Variants in MARCHF1 observed in about 807,000 individuals in gnomAD.
The protein encoded by MARCHF1 is membrane associated ring-CH-type finger 1.
MARCHF1 carries 40 observed loss-of-function variants against 54.2 expected under a neutral mutation model. The observed-to-expected ratio is 0.74, with a 90% CI of 0.57 to 0.96. The LOEUF (loss-of-function observed/expected upper bound fraction) is 0.96, where lower values mean the gene tolerates loss of function less well. MARCHF1 is among the 40% of genes least tolerant of loss of function. The pLI is 0.00. For missense variants in MARCHF1, 586 were observed against 656.5 expected (o/e 0.89, Z 1.17); for synonymous variants, 236 against 236.3 (o/e 1.00, Z 0.01).
intron 8 of MARCHF1, among the ~76,000 whole-genome samples, chr4:163,568,951 C>G (rs892811260): frequency 1.2e-4 from 19 of 152,148 alleles, no homozygotes; most frequent in African/African-American, 4.3e-4. Context: ...AATTCCAGCA[C>G]TCAAAAGACT....
chr4:163,911,796 A>G (rs1206435112), intron 3 of MARCHF1, among the ~76,000 whole-genome samples: 1 of 152,164 alleles, frequency 6.6e-6, no homozygotes, highest in Non-Finnish European at 1.5e-5. Flanking sequence ...AAAACAGAAG[A>G]AGAATATGGT....
Position 164,244,241 on chromosome 4 carries a change from A to T in MARCHF1, c.-322-132579T>A, listed in dbSNP as rs1003640060. ...TCCTCAGCAAATGTAAAAGAACAGA[A>T]ATTATAACAAACTATCTCTCAGACC... On this transcript the variant is annotated intron_variant, in intron 1 of 9. Transcript: ENST00000514618. Among the ~76,000 whole-genome samples, 4 of 152,010 alleles carry T rather than the reference A, an allele frequency of 2.6e-5. No individual in the cohort carries two copies. In the East Asian group the frequency reaches 5.8e-4, roughly 22 times the overall value.
intron 4 of MARCHF1, among the ~76,000 whole-genome samples, chr4:163,842,329 C>A (rs904704779): frequency 1.3e-5 from 2 of 151,596 alleles, no homozygotes; most frequent in African/African-American, 2.4e-5. Context: ...ACATTAGAGG[C>A]CTATTTTGAG....
At chr4:164,284,473 T>C (rs1734099305) in intron 1 of MARCHF1, among the ~76,000 whole-genome samples, 1 of 151,092 alleles carries the variant, frequency 6.6e-6, no homozygotes, top group Admixed American at 6.7e-5. Context: ...TTATGGCAAT[T>C]AGGTAAGTAA....
At chr4:163,575,931 C>A (rs1740021450) in intron 8 of MARCHF1, among the ~76,000 whole-genome samples, 1 of 151,710 alleles carries the variant, frequency 6.6e-6, no homozygotes, top group South Asian at 2.1e-4. Context: ...TTGGATCTGT[C>A]TTTTCCCTTG....
In MARCHF1 at chr4:164,268,321, A is replaced by G. The variant is rs369830281; in HGVS notation, c.-323+115549T>C. ...TGTGTCACCCGAAGTCTTCAGGCAC[A>G]TTGTTCCAGGTTTGGGTTTGCCTAT... On this transcript the variant is annotated intron_variant, in intron 1 of 9. Transcript: ENST00000514618. Among the ~76,000 whole-genome samples the G allele has an allele frequency of 1.1e-3, 162 of 152,236 alleles. 2 individuals carry two copies. In the East Asian group the frequency reaches 0.028, roughly 26 times the overall value.
At chr4:164,240,292 A>G (rs1732699756) in intron 1 of MARCHF1, among the ~76,000 whole-genome samples, 1 of 152,368 alleles carries the variant, frequency 6.6e-6, no homozygotes, top group East Asian at 1.9e-4. Context: ...ATCACAAAGT[A>G]CCAGCACGTG....
chr4:163,708,007 C>T (rs189175636), intron 4 of MARCHF1, among the ~76,000 whole-genome samples: 20 of 151,920 alleles, frequency 1.3e-4, no homozygotes, highest in African/African-American at 3.9e-4. Context: ...AAAAGGAAAA[C>T]AGGATTTGCT....
chr4:164,022,579 T>C (rs1320228178), intron 2 of MARCHF1, among the ~76,000 whole-genome samples: 1 of 152,222 alleles, frequency 6.6e-6, no homozygotes, highest in South Asian at 2.1e-4. Context: ...ACCCTGTATC[T>C]ACCACAGACA....
intron 3 of MARCHF1, among the ~76,000 whole-genome samples, chr4:163,909,985 T>C (rs1751155506): frequency 6.6e-6 from 1 of 152,196 alleles, no homozygotes; most frequent in Non-Finnish European, 1.5e-5. Context: ...CAATTTTTTC[T>C]CATTAGAGTA....
intron 1 of MARCHF1, among the ~76,000 whole-genome samples, chr4:164,211,355 A>AT (rs764711783): frequency 3.0e-5 from 3 of 100,928 alleles, no homozygotes; most frequent in Non-Finnish European, 7.6e-5. Flanking sequence ...ATATATATAT[A>AT]CCACATTGCA....
intron 8 of MARCHF1, chr4:163,585,525 A>G (rs537317081): frequency 1.5e-3 from 538 of 350,852 alleles, no homozygotes; most frequent in Non-Finnish European, 2.3e-3. Flanking sequence ...AAAAGCATTG[A>G]AAGTAATATA....
intron 5 of MARCHF1, among the ~76,000 whole-genome samples, chr4:163,644,099 G>T (rs371179933): frequency 6.6e-6 from 1 of 151,682 alleles, no homozygotes; most frequent in Non-Finnish European, 1.5e-5. Flanking sequence ...ATATTTTTAC[G>T]TATTTGTTCA....
intron 4 of MARCHF1, among the ~76,000 whole-genome samples, chr4:163,833,712 T>G (rs1003417121): frequency 6.6e-6 from 1 of 152,124 alleles, no homozygotes; most frequent in Non-Finnish European, 1.5e-5. Flanking sequence ...GATGCTTTTG[T>G]GTGAAAAAAT....
At chr4:163,794,585 G>GT (rs1747859347) in intron 4 of MARCHF1, among the ~76,000 whole-genome samples, 1 of 152,184 alleles carries the variant, frequency 6.6e-6, no homozygotes, top group African/African-American at 2.4e-5. Flanking sequence ...GAAATTGATG[G>GT]TGGGGGGTCA....
rs1738121135 is a variant in MARCHF1 at position 163,526,796 on chromosome 4, T to G, written c.*1952A>C. On this transcript the variant is annotated 3_prime_UTR_variant, in exon 10 of 10. Transcript: ENST00000514618. ...ACCTTTTGTTTCCTGACTGAATACC[T>G]TAACATTTTCCCCGCATATATACAT... is the stretch of plus-strand genomic sequence containing the variant. 6.6e-6 allele frequency: 1 copy of G among 151,914 alleles called. No individual in the cohort carries two copies. The highest frequency in any genetic ancestry group is 2.4e-5 in the African/African-American group (1 of 41,428). The allele number at this position is 151,914 out of a possible 1,614,324, so 9.4% of individuals were successfully genotyped here.
At chr4:163,723,392 A>G (rs1391578181) in intron 4 of MARCHF1, among the ~76,000 whole-genome samples, 1 of 152,180 alleles carries the variant, frequency 6.6e-6, no homozygotes, top group Non-Finnish European at 1.5e-5. Flanking sequence ...CTGAGAGATC[A>G]GCTGTTAGTC....
chr4:163,530,650 G>C (rs1738314696), intron 9 of MARCHF1: 1 of 151,764 alleles, frequency 6.6e-6, no homozygotes, highest in Non-Finnish European at 1.5e-5. Flanking sequence ...TGCTCTGTTT[G>C]GCACTGTCAA....
At chr4:163,939,686 C>T (rs528981951) in intron 3 of MARCHF1, among the ~76,000 whole-genome samples, 4 of 152,208 alleles carry the variant, frequency 2.6e-5, no homozygotes, top group East Asian at 1.9e-4. Context: ...AGACAAAATG[C>T]CAACAATATC....
Sources: allele counts gnomAD v4.1 joint callset (sites outside exome capture counted in the v4.1 genomes callset), GRCh38; gene constraint gnomAD v4.1.1; transcripts MANE v1.5; gene names NCBI Gene and HGNC (gene_info 2026-07-23, HGNC 2026-07-21).